The following FRYL variants were observed in gnomAD, a reference collection of about 807,000 sequenced individuals.
The protein encoded by FRYL is protein furry homolog-like.
In FRYL, 150 loss-of-function variants were observed where a neutral mutation model predicts 351.2. The observed-to-expected ratio is 0.43, with a 90% CI of 0.37 to 0.49. The LOEUF (loss-of-function observed/expected upper bound fraction) is 0.49, where lower values mean the gene tolerates loss of function less well. FRYL is among the 20% of genes least tolerant of loss of function. The probability of loss-of-function intolerance (pLI) is 0.00; values close to 1 mark genes in which losing one functional copy is unlikely to be tolerated. For synonymous variants in FRYL, 1,153 were observed against 1,257.1 expected, an observed-to-expected ratio of 0.92 and a Z score of 1.75; for missense variants, 3,036 against 3,619.3, an observed-to-expected ratio of 0.84 and a Z score of 4.13.
chr4:48,544,402 T>C (rs992435970), intron 43 of FRYL, among the ~76,000 whole-genome samples: 1 of 152,212 alleles, frequency 6.6e-6, no homozygotes, highest in African/African-American at 2.4e-5. Flanking sequence ...ACCACTGCTC[T>C]AGACATATAC....
intron 7 of FRYL, among the ~76,000 whole-genome samples, chr4:48,615,889 A>G (rs1225652904): frequency 6.6e-6 from 1 of 152,222 alleles, no homozygotes; most frequent in Non-Finnish European, 1.5e-5. Context: ...CAGCCATAAA[A>G]AAGGATGAGT....
chr4:48,643,265 T>C (rs1274423826), intron 3 of FRYL, among the ~76,000 whole-genome samples: 2 of 152,142 alleles, frequency 1.3e-5, no homozygotes, highest in East Asian at 3.9e-4. Context: ...TTGAAATAGA[T>C]GGGCTGAGTC....
intron 19 of FRYL, among the ~76,000 whole-genome samples, chr4:48,586,202 G>A (rs1742070521): frequency 6.6e-6 from 1 of 151,928 alleles, no homozygotes; most frequent in Admixed American, 6.6e-5. Flanking sequence ...CTGCCATAGG[G>A]GGAAAAAAAA....
intron 2 of FRYL, among the ~76,000 whole-genome samples, chr4:48,692,928 C>T (rs10938538): frequency 0.99 from 150,570 of 152,344 alleles, 74,428 homozygotes; most frequent in East Asian, 1. Flanking sequence ...GTAGTGAATA[C>T]CTTGATTGGC....
chr4:48,776,117 G>C (rs1429433372), intron 1 of FRYL, among the ~76,000 whole-genome samples: 1 of 148,412 alleles, frequency 6.7e-6, no homozygotes, highest in Non-Finnish European at 1.5e-5. Flanking sequence ...ATGTTACAAT[G>C]TGATAGGAGC....
chr4:48,688,695 A>T (rs1458912168), intron 2 of FRYL, among the ~76,000 whole-genome samples: 2 of 117,492 alleles, frequency 1.7e-5, no homozygotes, highest in African/African-American at 6.8e-5. Context: ...ATGGAGTCTC[A>T]CTCTGTTGCC....
rs1743067079 is a variant in FRYL at position 48,590,788 on chromosome 4, T to C, written c.1378A>G (p.Ser460Gly). ...GGTTCACCATCTTTCTGCTGCAAAC[T>C]GTCTGCTATTACAAGGAAGACTCTG... ...GLRVFLVIAD[S>G]LQQKDGEPPM... The change falls in exon 17 of 64, where the codon AGT becomes GGT. Residue 460 changes from serine (S) to glycine (G), a missense_variant. By Grantham distance (56) the Ser-to-Gly change is moderately conservative (BLOSUM62 0). Coordinates refer to ENST00000358350, the MANE Select transcript of FRYL (RefSeq NM_015030.2). 1 of 1,613,742 alleles carries C rather than the reference T, an allele frequency of 6.2e-7. No homozygotes were observed. The highest frequency in any genetic ancestry group is 8.5e-7 in the Non-Finnish European group (1 of 1,179,910).
intron 3 of FRYL, among the ~76,000 whole-genome samples, chr4:48,647,676 A>C (rs1850520): frequency 0.95 from 144,140 of 152,182 alleles, 68,371 homozygotes; most frequent in South Asian, 0.98. Flanking sequence ...AACAAACAAA[A>C]AAAAGATACA....
At chr4:48,509,415 T>C (rs934179486) in intron 59 of FRYL, among the ~76,000 whole-genome samples, 11 of 152,326 alleles carry the variant, frequency 7.2e-5, no homozygotes, top group African/African-American at 2.4e-4. Context: ...ACACACTTCA[T>C]TTTTCATAGG....
chr4:48,526,919 AG>A (rs1419875686), intron 53 of FRYL, among the ~76,000 whole-genome samples: 1 of 152,206 alleles, frequency 6.6e-6, no homozygotes, highest in Non-Finnish European at 1.5e-5. Context: ...CGAATGTCAA[AG>A]AAAGAAGCTC....
chr4:48,596,098 T>A lies in FRYL; in HGVS notation c.1036-98A>T, dbSNP rs1001255149. Reference sequence around the variant, plus strand: ...AACAACTAAAAGCCAATCTTTTTTGTATTCAGTCTAAAATAGGTTTAAATA... The same window carrying A: ...AACAACTAAAAGCCAATCTTTTTTGAATTCAGTCTAAAATAGGTTTAAATA... On this transcript the variant is annotated intron_variant, in intron 13 of 63. Transcript: ENST00000358350. 17 of 787,418 alleles carry A rather than the reference T, an allele frequency of 2.2e-5. No homozygotes were observed. The African/African-American group carries it at 2.9e-4, about 13-fold the overall frequency. The allele number at this position is 787,418 out of a possible 1,614,324, so 48.8% of individuals were successfully genotyped here.
At chr4:48,586,582 A>G in intron 19 of FRYL, 39 bp downstream of exon 19, 1 of 1,306,742 alleles carries the variant, frequency 7.7e-7, no homozygotes, top group Non-Finnish European at 1.1e-6. Flanking sequence ...AAGGAGCAGA[A>G]GACATAAAAC....
In FRYL at chr4:48,581,417, T is replaced by G; in HGVS notation, c.2172+3A>C. 6.3e-7 allele frequency: 1 copy of G among 1,599,806 alleles called. No homozygotes were observed. The highest frequency in any genetic ancestry group is 8.5e-7 in the Non-Finnish European group (1 of 1,173,270). On this transcript the variant is annotated splice_donor_region_variant and intron_variant, in intron 21 of 63. Coordinates refer to ENST00000358350, the MANE Select transcript of FRYL (RefSeq NM_015030.2). Reference sequence around the variant, plus strand: ...ATAACTGAATGAAATACCTAAATCTTACCTTAGGTATTTCCAGAAGTGCAA... The same window carrying G: ...ATAACTGAATGAAATACCTAAATCTGACCTTAGGTATTTCCAGAAGTGCAA...
At chr4:48,624,066 A>G (rs1406530735) in intron 4 of FRYL, among the ~76,000 whole-genome samples, 4 of 152,152 alleles carry the variant, frequency 2.6e-5, no homozygotes, top group Non-Finnish European at 4.4e-5. Flanking sequence ...GAAGCCAAGA[A>G]GAAAGAGTAT....
At position 48,563,985 on chromosome 4, in the gene FRYL, C is replaced by T. The variant is rs200237717; in HGVS notation, c.3559G>A (p.Gly1187Ser). The T allele has an allele frequency of 6.4e-4, 1,037 of 1,613,878 alleles. 9 individuals carry two copies. Among genetic ancestry groups the T allele is most frequent in the Non-Finnish European group, 1.7e-4 (204 of 1,179,974 alleles). Residue 1187 changes from glycine (G) to serine (S), a missense_variant, in exon 31 of 64, where the codon GGC (glycine) becomes AGC (serine). Gly to Ser is a moderately conservative substitution (Grantham distance 56). This residue lies in a region of FRYL where 1,987 missense variants were observed against 2,311.7 expected (regional missense o/e 0.86). Coordinates refer to ENST00000358350, the MANE Select transcript of FRYL (RefSeq NM_015030.2). ...ACATTAGCAATGGCTTTAAAGCAGCCGGCCGCCACCCTCCCGGAGCCCGTG... is the reference window on the plus strand; with the variant it reads ...ACATTAGCAATGGCTTTAAAGCAGCTGGCCGCCACCCTCCCGGAGCCCGTG... ...CYTGSGRVAA[G>S]CFKAIANVFQ...
At chr4:48,640,158 A>G (rs1755043948) in intron 3 of FRYL, among the ~76,000 whole-genome samples, 1 of 152,148 alleles carries the variant, frequency 6.6e-6, no homozygotes, top group African/African-American at 2.4e-5. Flanking sequence ...GCTCCCTGGT[A>G]TTTACCCACA....
At chr4:48,769,169 G>A (rs933641220) in intron 1 of FRYL, among the ~76,000 whole-genome samples, 2 of 152,236 alleles carry the variant, frequency 1.3e-5, no homozygotes, top group African/African-American at 4.8e-5. Context: ...ATACGAAAAG[G>A]CAAACGTTCT....
At chr4:48,725,417 C>T (rs1560318617) in intron 1 of FRYL, among the ~76,000 whole-genome samples, 2 of 152,230 alleles carry the variant, frequency 1.3e-5, no homozygotes, top group African/African-American at 4.8e-5. Flanking sequence ...TTTATCAACA[C>T]TAAATAAAGT....
At chr4:48,722,030 T>C (rs1441538063) in intron 1 of FRYL, among the ~76,000 whole-genome samples, 4 of 152,128 alleles carry the variant, frequency 2.6e-5, no homozygotes, top group Admixed American at 2.6e-4. Context: ...GTTTTTGGAG[T>C]GGGAAGTTGG....
Sources: allele counts gnomAD v4.1 joint callset (sites outside exome capture counted in the v4.1 genomes callset), GRCh38; gene constraint gnomAD v4.1.1; regional missense constraint gnomAD v4.1.1; transcripts MANE v1.5; gene names NCBI Gene and HGNC (gene_info 2026-07-23, HGNC 2026-07-21).